The following LNPEP variants were observed in gnomAD, a reference collection of about 807,000 sequenced individuals.
LNPEP encodes the protein leucyl-cystinyl aminopeptidase.
A neutral mutation model predicts 120.6 loss-of-function variants in LNPEP; 64 were observed. The observed-to-expected ratio is 0.53, with a 90% CI of 0.43 to 0.65. The LOEUF (loss-of-function observed/expected upper bound fraction) is 0.65. LNPEP is among the 30% of genes least tolerant of loss of function. The probability of loss-of-function intolerance (pLI) is 0.00; values close to 1 mark genes in which losing one functional copy is unlikely to be tolerated. For missense variants in LNPEP, 1,057 were observed against 1,200.0 expected (o/e 0.88, Z 1.76); for synonymous variants, 435 against 425.4 (o/e 1.02, Z -0.28).
intron 1 of LNPEP, among the ~76,000 whole-genome samples, chr5:96,972,081 A>G (rs1449136668): frequency 6.6e-6 from 1 of 152,142 alleles, no homozygotes; most frequent in African/African-American, 2.4e-5. Context: ...TGAATTAAAA[A>G]AAACTCTGTA....
intron 10 of LNPEP, 81 bp downstream of exon 10, chr5:97,006,314 T>C (rs2112646410): frequency 1.5e-6 from 2 of 1,360,112 alleles, no homozygotes; most frequent in African/African-American, 1.5e-5. Context: ...AATCATAAGT[T>C]CTTGTGAAAC....
chr5:96,950,305 A>T (rs914456066), intron 1 of LNPEP, among the ~76,000 whole-genome samples: 1 of 152,226 alleles, frequency 6.6e-6, no homozygotes. Context: ...AAGTGGTGCA[A>T]TTAAATCAAT....
At chr5:96,975,638 A>C (rs117281100) in intron 1 of LNPEP, among the ~76,000 whole-genome samples, 1,864 of 152,186 alleles carry the variant, frequency 0.012, 43 homozygotes, top group East Asian at 0.071. Flanking sequence ...AATCTGTTGC[A>C]GAAATTTTGT....
At chr5:96,985,310 A>G in intron 3 of LNPEP, 92 bp downstream of exon 3, 1 of 1,036,756 alleles carries the variant, frequency 9.6e-7, no homozygotes. Context: ...ACAGTTGAGA[A>G]TGATTAAAAT....
rs1791560045 is a variant in LNPEP, at chr5:97,035,654, A to G, written c.*7121A>G. 1 of 151,530 alleles carries G rather than the reference A, an allele frequency of 6.6e-6. No homozygotes were observed. The highest frequency in any genetic ancestry group is 2.4e-5 in the African/African-American group (1 of 41,188). 9.4% of individuals were successfully genotyped at this position (151,530 alleles called of 1,614,324 possible). On this transcript the variant is annotated 3_prime_UTR_variant, in exon 18 of 18. Transcript: ENST00000231368. ...TAAGGATGCAAGTGTGTAGATGCAT[A>G]TATATCATTTGCTTCTTTCTTCCGC...
chr5:96,967,453 A>G (rs527254891), intron 1 of LNPEP, among the ~76,000 whole-genome samples: 5 of 152,036 alleles, frequency 3.3e-5, no homozygotes, highest in African/African-American at 1.2e-4. Flanking sequence ...CGTCTTCACT[A>G]TATTTTATGT....
intron 1 of LNPEP, among the ~76,000 whole-genome samples, chr5:96,960,864 A>G (rs1041976119): frequency 4.3e-5 from 6 of 140,604 alleles, no homozygotes; most frequent in African/African-American, 1.6e-4. Context: ...AACATGAGAA[A>G]TTTCTCAAAA....
chr5:97,007,246 G>T (rs548859716), intron 11 of LNPEP, among the ~76,000 whole-genome samples: 8 of 152,226 alleles, frequency 5.3e-5, no homozygotes, highest in Admixed American at 5.2e-4. Flanking sequence ...TTTGGATCTG[G>T]TGTCAAAGCC....
At chr5:97,023,269 T>C (rs1317367291) in intron 14 of LNPEP, among the ~76,000 whole-genome samples, 1 of 152,166 alleles carries the variant, frequency 6.6e-6, no homozygotes, top group Admixed American at 6.5e-5. Flanking sequence ...TTTCTTTTTT[T>C]TGGAGATGGA....
rs1791031973 is a variant in LNPEP, at chr5:97,015,065, G to A, written c.2346G>A (p.Leu782=). 6.3e-7 allele frequency: 1 copy of A among 1,591,302 alleles called. No individual in the cohort carries two copies. Among genetic ancestry groups the A allele is most frequent in the Admixed American group, 1.7e-5 (1 of 57,274 alleles). Residue 782 remains leucine, a synonymous_variant, in exon 13 of 18, where the codon CTG becomes CTA. Transcript: ENST00000231368. ...TCATCTATAACCTCCTTGAAAAACT[G>A]GGATACATGGATCTGGCCTCAAGAC... ...TDLIYNLLEK[L]GYMDLASRLV...
chr5:96,964,572 CTTG>C (rs1206223803), intron 1 of LNPEP, among the ~76,000 whole-genome samples: 2 of 151,854 alleles, frequency 1.3e-5, no homozygotes, highest in East Asian at 1.9e-4. Context: ...ATACCTATCC[CTTG>C]TTGTTTTAGG....
Position 96,979,658 on chromosome 5 carries a change from C to T in LNPEP, c.540C>T (p.Ser180=). The T allele has an allele frequency of 1.2e-6, 2 of 1,614,094 alleles. No homozygotes were observed. The highest frequency in any genetic ancestry group is 2.2e-5 in the South Asian group (2 of 91,088). Reference sequence around the variant, plus strand: ...TTGTGCCACTACGCTATGAACTCAGCCTACACCCGAACCTAACCTCGATGA... The same window carrying T: ...TTGTGCCACTACGCTATGAACTCAGTCTACACCCGAACCTAACCTCGATGA... ...TAVVPLRYEL[S]LHPNLTSMTF... Residue 180 remains serine (S), a synonymous_variant, in exon 2 of 18, where the codon AGC becomes AGT. Coordinates refer to ENST00000231368, the MANE Select transcript of LNPEP (RefSeq NM_005575.3).
rs1479776156 is a variant in LNPEP, at chr5:97,033,777, A to G, written c.*5244A>G. 1 of 152,006 alleles carries G rather than the reference A, an allele frequency of 6.6e-6. No individual in the cohort carries two copies. The highest frequency in any genetic ancestry group is 1.5e-5 in the Non-Finnish European group (1 of 67,994). The allele number at this position is 152,006 out of a possible 1,614,324, so 9.4% of individuals were successfully genotyped here. ...TATATACTTTTGTATATGTATGTAC[A>G]TATTTTTATTTCTTTATTATAGTGT... On this transcript the variant is annotated 3_prime_UTR_variant, in exon 18 of 18. Transcript: ENST00000231368.
In LNPEP at chr5:96,992,393, G is replaced by A. The variant is rs1790410092; in HGVS notation, c.1132-622G>A. Among the ~76,000 whole-genome samples, 10 of 152,264 alleles carry A rather than the reference G, an allele frequency of 6.6e-5. No individual in the cohort carries two copies. The South Asian group carries it at 2.1e-3, about 32-fold the overall frequency. On this transcript the variant is annotated intron_variant, in intron 4 of 17. Transcript: ENST00000231368. Reference sequence around the variant, plus strand: ...CCAACAACTGAAAAAAAAGTTAGCTGTCCGCAGCATTGGAAGAAAAACTGG... The same window carrying A: ...CCAACAACTGAAAAAAAAGTTAGCTATCCGCAGCATTGGAAGAAAAACTGG...
intron 13 of LNPEP, among the ~76,000 whole-genome samples, chr5:97,021,725 A>G (rs1791201471): frequency 1.3e-5 from 2 of 152,070 alleles, no homozygotes; most frequent in South Asian, 4.1e-4. Flanking sequence ...CTGAGTTAAC[A>G]TCACTAAAAG....
Position 97,036,109 on chromosome 5 carries a change from C to G in LNPEP, c.*7576C>G, listed in dbSNP as rs1272227777. 1 of 152,136 alleles carries G rather than the reference C, an allele frequency of 6.6e-6. No homozygotes were observed. Among genetic ancestry groups the G allele is most frequent in the African/African-American group, 2.4e-5 (1 of 41,426 alleles). The allele number at this position is 152,136 out of a possible 1,614,324, so 9.4% of individuals were successfully genotyped here. ...CTTTTTGAGGCCTGGACTTCTGATTCATCTATAGAAGTCTATTATGATTCC... is the reference window on the plus strand; with the variant it reads ...CTTTTTGAGGCCTGGACTTCTGATTGATCTATAGAAGTCTATTATGATTCC... On this transcript the variant is annotated 3_prime_UTR_variant, in exon 18 of 18. Coordinates refer to ENST00000231368, the MANE Select transcript of LNPEP (RefSeq NM_005575.3).
At chr5:96,987,935 C>G (rs1038756524) in intron 4 of LNPEP, among the ~76,000 whole-genome samples, 11 of 152,186 alleles carry the variant, frequency 7.2e-5, no homozygotes, top group African/African-American at 2.4e-4. Flanking sequence ...GCTGCTGCTT[C>G]AAGACTCAGC....
intron 11 of LNPEP, among the ~76,000 whole-genome samples, chr5:97,007,189 G>A (rs767467269): frequency 8.5e-5 from 13 of 152,136 alleles, no homozygotes; most frequent in African/African-American, 2.2e-4. Flanking sequence ...TGTAGGACCC[G>A]TTAGTGATGC....
Position 96,948,000 on chromosome 5 carries a change from G to A in LNPEP, c.19+11826G>A, listed in dbSNP as rs370041902. On this transcript the variant is annotated intron_variant, in intron 1 of 17. Transcript: ENST00000231368. Reference sequence around the variant, plus strand: ...ATCTCTTATTTTTATCACCTAGACAGAAAATATAGCAAAGCATAAATCATT... The same window carrying A: ...ATCTCTTATTTTTATCACCTAGACAAAAAATATAGCAAAGCATAAATCATT... Among the ~76,000 whole-genome samples, 12 of 151,944 alleles carry A rather than the reference G, an allele frequency of 7.9e-5. No individual in the cohort carries two copies. In the East Asian group the frequency reaches 1.2e-3, roughly 15 times the overall value.
Sources: allele counts gnomAD v4.1 joint callset (sites outside exome capture counted in the v4.1 genomes callset), GRCh38; gene constraint gnomAD v4.1.1; transcripts MANE v1.5; gene names NCBI Gene and HGNC (gene_info 2026-07-23, HGNC 2026-07-21).